The following ZNF638 variants were observed in gnomAD, a reference collection of about 807,000 sequenced individuals.
ZNF638 encodes the protein zinc finger protein 638.
In ZNF638, 46 loss-of-function variants were observed where a neutral mutation model predicts 195.6. The observed-to-expected ratio is 0.24, with a 90% confidence interval of 0.19 to 0.30. The LOEUF (loss-of-function observed/expected upper bound fraction) is 0.30, where lower values mean the gene tolerates loss of function less well. ZNF638 is among the 10% of genes least tolerant of loss of function. The probability of loss-of-function intolerance (pLI) is 1.00; values close to 1 mark genes in which losing one functional copy is unlikely to be tolerated. For synonymous variants in ZNF638, 845 were observed against 772.0 expected, an observed-to-expected ratio of 1.09 and a Z score of -1.57; for missense variants, 2,440 against 2,325.3, an observed-to-expected ratio of 1.05 and a Z score of -1.01.
intron 6 of ZNF638, among the ~76,000 whole-genome samples, chr2:71,366,007 C>T (rs1052545128): frequency 6.6e-6 from 1 of 152,170 alleles, no homozygotes; most frequent in Non-Finnish European, 1.5e-5. Flanking sequence ...TGCCTGGCTT[C>T]GTAATTCTTT....
chr2:71,398,779 CTA>C lies in ZNF638; in HGVS notation c.2500+9_2500+10del, dbSNP rs1396420987. 31 of 1,602,544 alleles carry C rather than the reference CTA, an allele frequency of 1.9e-5. No homozygotes were observed. Among genetic ancestry groups the C allele is most frequent in the Middle Eastern group, 1.7e-4 (1 of 6,052 alleles). Reference sequence around the variant, plus strand: ...AAAGCTTCAATCAAAACAGGTAAGACTATTGGGGAGGAGAGATTTTATTGTTT... The same window carrying C: ...AAAGCTTCAATCAAAACAGGTAAGACTTGGGGAGGAGAGATTTTATTGTTT... On this transcript the variant is annotated splice_region_variant and intron_variant, in intron 12 of 27. Coordinates refer to ENST00000264447, the MANE Select transcript of ZNF638 (RefSeq NM_014497.5).
chr2:71,395,175 C>T (rs1297140301), intron 10 of ZNF638: 1 of 715,102 alleles, frequency 1.4e-6, no homozygotes, highest in African/African-American at 1.7e-5. Flanking sequence ...CTGGATAGAC[C>T]CTCACTCCTT....
At chr2:71,337,067 C>A (rs1011747096) in intron 1 of ZNF638, among the ~76,000 whole-genome samples, 1 of 150,902 alleles carries the variant, frequency 6.6e-6, no homozygotes, top group African/African-American at 2.4e-5. Flanking sequence ...GGGCCAAATC[C>A]AAAAATGTGT....
chr2:71,425,020 G>C (rs35206241), intron 23 of ZNF638, among the ~76,000 whole-genome samples: 1 of 151,880 alleles, frequency 6.6e-6, no homozygotes, highest in African/African-American at 2.4e-5. Flanking sequence ...ATAGGTTGTA[G>C]ACACAGAAAA....
In ZNF638 at chr2:71,368,439, G is replaced by A; in HGVS notation, c.2053G>A (p.Glu685Lys). 6.2e-7 allele frequency: 1 copy of A among 1,613,634 alleles called. No homozygotes were observed. Among genetic ancestry groups the A allele is most frequent in the Non-Finnish European group, 8.5e-7 (1 of 1,179,766 alleles). Reference sequence around the variant, plus strand: ...GGTTCTTCTTATAACTGAATTACCAGAGGATGGTTGTACTGAAGAAGATGT... The same window carrying A: ...GGTTCTTCTTATAACTGAATTACCAAAGGATGGTTGTACTGAAGAAGATGT... ...GSVLLITELP[E>K]DGCTEEDVRK... The change falls in exon 7 of 28, where the codon GAG becomes AAG. Residue 685 changes from glutamate to lysine, a missense_variant. Around this residue, in one of 5 missense-constraint regions of ZNF638, gnomAD observed 1,883 missense variants for 1,739.1 expected, o/e 1.08. Coordinates refer to ENST00000264447, the MANE Select transcript of ZNF638 (RefSeq NM_014497.5).
At chr2:71,360,229 T>A (rs1214630732) in intron 3 of ZNF638, among the ~76,000 whole-genome samples, 1 of 152,230 alleles carries the variant, frequency 6.6e-6, no homozygotes, top group Non-Finnish European at 1.5e-5. Context: ...ATTCACCATT[T>A]GTTAATATTT....
intron 8 of ZNF638, chr2:71,374,763 AC>A (rs1384486897): frequency 1.3e-5 from 2 of 152,236 alleles, no homozygotes; most frequent in African/African-American, 4.8e-5. Context: ...TACTAAAAAT[AC>A]AAAAATTAGC....
chr2:71,402,456 T>C (rs2080025826), intron 16 of ZNF638, among the ~76,000 whole-genome samples: 1 of 152,144 alleles, frequency 6.6e-6, no homozygotes. Context: ...AGTATATATA[T>C]GAGAAAGAAC....
At chr2:71,383,750 T>TTTTTTC (rs2079578392) in intron 10 of ZNF638, among the ~76,000 whole-genome samples, 8 of 113,166 alleles carry the variant, frequency 7.1e-5, no homozygotes, top group African/African-American at 1.5e-4. Context: ...TTTTCTTTTT[T>TTTTTTC]TTTTTCTTTT....
rs554575304 is a variant in ZNF638, at chr2:71,357,977, A to G, written c.1379+2197A>G. The stretch of plus-strand genomic sequence containing the variant: ...ACTGGGAGAGAATAAATTTCTATTT[A>G]GAGTCCAGAAGTCTGAAATCATGGT... On this transcript the variant is annotated intron_variant, in intron 3 of 27. Transcript: ENST00000264447. Among the ~76,000 whole-genome samples the G allele has an allele frequency of 6.6e-5, 10 of 152,238 alleles. No individual in the cohort carries two copies. In the South Asian group the frequency reaches 2.1e-3, roughly 32 times the overall value.
intron 10 of ZNF638, among the ~76,000 whole-genome samples, chr2:71,383,953 G>A (rs1290603831): frequency 1.3e-5 from 2 of 151,364 alleles, no homozygotes; most frequent in East Asian, 1.9e-4. Flanking sequence ...TCTCCCTTAC[G>A]TACATAAACT....
chr2:71,365,751 C>T lies in ZNF638; in HGVS notation c.1995+45C>T, dbSNP rs761174945. The T allele has an allele frequency of 6.0e-6, 9 of 1,502,190 alleles. No homozygotes were observed. The Admixed American group carries it at 1.6e-4, about 27-fold the overall frequency. The allele number at this position is 1,502,190 out of a possible 1,614,324, so 93.1% of individuals were successfully genotyped here. On this transcript the variant is annotated intron_variant, in intron 6 of 27. Transcript: ENST00000264447. ...TTATTTTTAGAGATAAGGTTTCACTCTGTCATCCTCGCTGGACTGCAGTGG... is the reference window on the plus strand; with the variant it reads ...TTATTTTTAGAGATAAGGTTTCACTTTGTCATCCTCGCTGGACTGCAGTGG...
intron 10 of ZNF638, among the ~76,000 whole-genome samples, chr2:71,389,207 T>C (rs775835784): frequency 1.3e-4 from 19 of 151,828 alleles, no homozygotes; most frequent in Non-Finnish European, 2.8e-4. Flanking sequence ...CCCCAATAAA[T>C]TGGAAAAAAG....
In ZNF638 at chr2:71,393,705, G is replaced by T. The variant is rs948060117; in HGVS notation, c.2378-2436G>T. On this transcript the variant is annotated intron_variant, in intron 10 of 27. Transcript: ENST00000264447. ...TCTCGCTTCCCCTGCAACCCGTACC[G>T]GCTACACTCTATTGGGCTCATCTGT... is the stretch of plus-strand genomic sequence containing the variant. 4.1e-5 allele frequency: 28 copies of T among 690,074 alleles called. 1 individual carries two copies. In the African/African-American group the frequency reaches 4.6e-4, roughly 11 times the overall value. 42.7% of individuals were successfully genotyped at this position (690,074 alleles called of 1,614,324 possible). A position where few individuals can be genotyped will look rare whatever the true frequency, so the allele number is the denominator to read the frequency against.
chr2:71,384,611 C>A (rs1053652576), intron 10 of ZNF638, among the ~76,000 whole-genome samples: 21 of 152,142 alleles, frequency 1.4e-4, no homozygotes, highest in South Asian at 2.1e-4. Flanking sequence ...GTTAAGACTT[C>A]TTTTGGGGAG....
intron 1 of ZNF638, among the ~76,000 whole-genome samples, chr2:71,347,285 G>A (rs2078866476): frequency 6.6e-6 from 1 of 152,180 alleles, no homozygotes; most frequent in Admixed American, 6.5e-5. Flanking sequence ...TGAAGGGAAT[G>A]AGATATTTGT....
chr2:71,380,426 G>A (rs1377098523), intron 9 of ZNF638, 87 bp from the exon 10 acceptor site: 10 of 1,253,622 alleles, frequency 8.0e-6, no homozygotes, highest in African/African-American at 4.6e-5. Flanking sequence ...TATTTTAAAC[G>A]TTTTTAGGTT....
At chr2:71,428,680 A>C (rs767419499) in intron 25 of ZNF638, 29 bp downstream of exon 25, 3 of 1,562,234 alleles carry the variant, frequency 1.9e-6, no homozygotes, top group South Asian at 2.2e-5. Context: ...AATGGGAAGG[A>C]AAGTTACACA....
chr2:71,344,645 C>G (rs1417831308), intron 1 of ZNF638, among the ~76,000 whole-genome samples: 1 of 152,134 alleles, frequency 6.6e-6, no homozygotes, highest in East Asian at 1.9e-4. Context: ...AAAAAACTGT[C>G]TTGAATGGCC....
Sources: gnomAD v4.1 joint callset for allele counts (sites outside exome capture counted in the v4.1 genomes callset) on GRCh38, gnomAD v4.1.1 for gene constraint, gnomAD v4.1.1 regional missense constraint, MANE v1.5 for transcripts, NCBI Gene and HGNC (gene_info 2026-07-23, HGNC 2026-07-21) for gene names.